The following UBAP2L variants were observed in gnomAD, a reference collection of about 807,000 sequenced individuals.
UBAP2L encodes the protein ubiquitin associated protein 2 like, also known as ubiquitin-associated protein 2-like.
In UBAP2L, 12 loss-of-function variants were observed where a neutral mutation model predicts 130.6. The observed-to-expected ratio is 0.09, with a 90% confidence interval of 0.06 to 0.15. The LOEUF (loss-of-function observed/expected upper bound fraction) is 0.15. UBAP2L is among the 10% of genes least tolerant of loss of function. UBAP2L has a pLI of 1.00. For missense variants in UBAP2L, 965 were observed against 1,332.5 expected (o/e 0.72, Z 4.29); for synonymous variants, 503 against 524.7 (o/e 0.96, Z 0.57).
chr1:154,259,125 C>T (rs938694245), intron 21 of UBAP2L, 95 bp downstream of exon 21: 7 of 1,136,774 alleles, frequency 6.2e-6, no homozygotes, highest in Middle Eastern at 2.0e-4. Flanking sequence ...TTTCCCATCC[C>T]AGCCCTCCAT....
intron 12 of UBAP2L, 121 bp from the exon 13 acceptor site, chr1:154,250,920 G>T: frequency 2.0e-6 from 2 of 988,894 alleles, no homozygotes; most frequent in South Asian, 1.8e-5. Context: ...CCCAAAAGAG[G>T]GCCTGCTTAT....
At chr1:154,243,407 A>G in intron 10 of UBAP2L, 105 bp downstream of exon 10, 1 of 898,130 alleles carries the variant, frequency 1.1e-6, no homozygotes, top group South Asian at 1.6e-5. Flanking sequence ...TGTCAATAAT[A>G]ATAACCAAAT....
At position 154,236,591 on chromosome 1, in the gene UBAP2L, G is replaced by A; in HGVS notation, c.570G>A (p.Arg190=). The change falls in exon 7 of 27, where the codon AGG becomes AGA. Residue 190 remains arginine, a synonymous_variant. Transcript: ENST00000428931. ...GTGGCTCTGGTAGGCGAGGAGGAAG[G>A]TTTTCTGCTCAAGGAATGGGGTAAG... is the stretch of plus-strand genomic sequence containing the variant. ...GRGGSGRRGG[R]FSAQGMGTFN... 1 of 1,613,974 alleles carries A rather than the reference G, an allele frequency of 6.2e-7. No individual in the cohort carries two copies. Among genetic ancestry groups the A allele is most frequent in the Non-Finnish European group, 8.5e-7 (1 of 1,179,994 alleles).
At chr1:154,250,438 A>G (rs1484650334) in intron 12 of UBAP2L, among the ~76,000 whole-genome samples, 1 of 152,132 alleles carries the variant, frequency 6.6e-6, no homozygotes, top group Non-Finnish European at 1.5e-5. Context: ...GTTTTTGCTT[A>G]AAGCCAGTTT....
intron 16 of UBAP2L, 31 bp from the exon 17 acceptor site, chr1:154,255,121 T>C (rs1679206380): frequency 1.2e-6 from 2 of 1,610,370 alleles, no homozygotes; most frequent in Non-Finnish European, 8.5e-7. Context: ...TTTTTTCTGA[T>C]GAGAGGAATT....
intron 25 of UBAP2L, 146 bp from the exon 26 acceptor site, chr1:154,268,611 G>C (rs1684049365): frequency 2.7e-6 from 2 of 744,286 alleles, no homozygotes; most frequent in Non-Finnish European, 4.6e-6. Context: ...AGCTGAGACT[G>C]AGACCTGAAT....
At chr1:154,228,500 T>A in intron 3 of UBAP2L, 115 bp from the exon 4 acceptor site, 1 of 785,570 alleles carries the variant, frequency 1.3e-6, no homozygotes, top group Non-Finnish European at 2.1e-6. Context: ...ATCTTTTGCT[T>A]TTTAAACTTG....
At position 154,254,816 on chromosome 1, in the gene UBAP2L, G is replaced by GTTTT. The variant is rs11412846; in HGVS notation, c.1855-9_1855-6dup. On this transcript the variant is annotated intron_variant, in intron 15 of 26. Transcript: ENST00000428931. Reference sequence around the variant, plus strand: ...GAGTTTGTCTGTTTCTTGCTCTTCTGTTTTTTTTTTTTTTACCAGAATGGC... The same window carrying GTTTT: ...GAGTTTGTCTGTTTCTTGCTCTTCTGTTTTTTTTTTTTTTTTTTACCAGAATGGC... 1.3e-4 allele frequency: 195 copies of GTTTT among 1,490,810 alleles called. No individual in the cohort carries two copies. Among genetic ancestry groups the GTTTT allele is most frequent in the South Asian group, 1.1e-3 (91 of 80,988 alleles). 92.3% of individuals were successfully genotyped at this position (1,490,810 alleles called of 1,614,324 possible). A position where few individuals can be genotyped will look rare whatever the true frequency, so the allele number is the denominator to read the frequency against.
At chr1:154,270,856 C>T, downstream of UBAP2L, 3 of 1,531,152 alleles carry the variant, frequency 2.0e-6, no homozygotes, top group Non-Finnish European at 2.6e-6. Context: ...TACCTTCAGC[C>T]TCTGCCTATT....
chr1:154,230,664 A>G (rs1669550459), intron 4 of UBAP2L, among the ~76,000 whole-genome samples: 1 of 152,162 alleles, frequency 6.6e-6, no homozygotes, highest in Non-Finnish European at 1.5e-5. Flanking sequence ...TCTTCTGTCT[A>G]GTGCTATAAG....
intron 1 of UBAP2L, among the ~76,000 whole-genome samples, chr1:154,223,058 T>C (rs1666796868): frequency 6.6e-6 from 1 of 152,228 alleles, no homozygotes; most frequent in African/African-American, 2.4e-5. Context: ...TTCTGTGCCC[T>C]CAAGTGATCC....
upstream of UBAP2L, chr1:154,220,536 C>T (rs530979752): frequency 3.5e-4 from 325 of 926,526 alleles, no homozygotes; most frequent in African/African-American, 4.8e-3. Context: ...GGGGGAAGAC[C>T]AAGCCAGACC....
At chr1:154,266,299 G>C (rs1193117455) in intron 24 of UBAP2L, among the ~76,000 whole-genome samples, 1 of 152,096 alleles carries the variant, frequency 6.6e-6, no homozygotes, top group African/African-American at 2.4e-5. Context: ...TACTCAACAC[G>C]TACCTGGGAA....
intron 1 of UBAP2L, among the ~76,000 whole-genome samples, chr1:154,223,100 C>T (rs1202070807): frequency 2.1e-5 from 3 of 143,374 alleles, no homozygotes; most frequent in African/African-American, 8.0e-5. Context: ...ACCTGTTGCT[C>T]AGTGTTGTCA....
chr1:154,244,267 G>A (rs1674597076), intron 10 of UBAP2L, among the ~76,000 whole-genome samples: 1 of 152,194 alleles, frequency 6.6e-6, no homozygotes, highest in South Asian at 2.1e-4. Flanking sequence ...CAACTTCAGA[G>A]GTTCTGCCAG....
intron 14 of UBAP2L, among the ~76,000 whole-genome samples, chr1:154,253,365 C>T (rs1678464603): frequency 6.7e-6 from 1 of 149,448 alleles, no homozygotes; most frequent in Admixed American, 6.7e-5. Context: ...TCCTTGAAGA[C>T]TTGAAGATGT....
chr1:154,243,961 C>G (rs903399633), intron 10 of UBAP2L, among the ~76,000 whole-genome samples: 1 of 152,146 alleles, frequency 6.6e-6, no homozygotes, highest in African/African-American at 2.4e-5. Context: ...TCATTTATTT[C>G]TGAATCTTTT....
chr1:154,251,467 C>G lies in UBAP2L; in HGVS notation c.1492-14C>G, dbSNP rs767282901. The G allele has an allele frequency of 5.6e-6, 9 of 1,611,702 alleles. No individual in the cohort carries two copies. The highest frequency in any genetic ancestry group is 7.6e-6 in the Non-Finnish European group (9 of 1,179,300). On this transcript the variant is annotated splice_polypyrimidine_tract_variant and intron_variant, in intron 13 of 26. Coordinates refer to ENST00000428931, the MANE Select transcript of UBAP2L (RefSeq NM_014847.4). Reference sequence around the variant, plus strand: ...ATTAAAGCCATTACTTTCTCTTCTCCTTCAACTTTATAGATTCCTGCTCTG... The same window carrying G: ...ATTAAAGCCATTACTTTCTCTTCTCGTTCAACTTTATAGATTCCTGCTCTG...
intron 8 of UBAP2L, among the ~76,000 whole-genome samples, chr1:154,240,916 T>C (rs1305674953): frequency 6.6e-6 from 1 of 151,166 alleles, no homozygotes; most frequent in Admixed American, 6.6e-5. Context: ...GCTTTGAGCA[T>C]TGGGTGGTTG....
Sources: allele counts gnomAD v4.1 joint callset (sites outside exome capture counted in the v4.1 genomes callset), GRCh38; gene constraint gnomAD v4.1.1; transcripts MANE v1.5; gene names NCBI Gene and HGNC (gene_info 2026-07-23, HGNC 2026-07-21).